The following HPSE2 variants were observed in gnomAD, a reference collection of about 807,000 sequenced individuals.
HPSE2 encodes the protein heparanase 2 (inactive), also known as inactive heparanase-2.
HPSE2 carries 38 observed loss-of-function variants against 60.5 expected under a neutral mutation model. The ratio of observed to expected loss-of-function variants is 0.63; its 90% CI spans 0.48 to 0.82. The LOEUF (loss-of-function observed/expected upper bound fraction) is 0.82, where lower values mean the gene tolerates loss of function less well. HPSE2 is among the 40% of genes least tolerant of loss of function. The pLI is 0.00. For missense variants in HPSE2, 713 were observed against 740.4 expected, an observed-to-expected ratio of 0.96 and a Z score of 0.43; for synonymous variants, 295 against 293.2, an observed-to-expected ratio of 1.01 and a Z score of -0.06.
At chr10:99,143,507 G>T (rs1317553169) in intron 3 of HPSE2, among the ~76,000 whole-genome samples, 1 of 152,120 alleles carries the variant, frequency 6.6e-6, no homozygotes, top group Non-Finnish European at 1.5e-5. Flanking sequence ...TCACTATAAC[G>T]TAGGTCTGCC....
At chr10:98,541,401 G>C (rs981583792) in intron 9 of HPSE2, among the ~76,000 whole-genome samples, 16 of 152,170 alleles carry the variant, frequency 1.1e-4, no homozygotes, top group African/African-American at 3.6e-4. Context: ...CCAGAAGATG[G>C]GTGATTTCTG....
chr10:99,095,868 G>GTATAC (rs1843701892), intron 3 of HPSE2, among the ~76,000 whole-genome samples: 1 of 152,078 alleles, frequency 6.6e-6, no homozygotes, highest in Admixed American at 6.6e-5. Context: ...GGACATCCTG[G>GTATAC]TATACTTTTC....
intron 11 of HPSE2, among the ~76,000 whole-genome samples, chr10:98,468,702 T>C (rs548115805): frequency 6.6e-6 from 1 of 152,332 alleles, no homozygotes; most frequent in East Asian, 1.9e-4. Flanking sequence ...TAGTTAATAC[T>C]TGTTGAGTTC....
At chr10:98,656,428 A>G (rs1483432662) in intron 6 of HPSE2, among the ~76,000 whole-genome samples, 4 of 152,162 alleles carry the variant, frequency 2.6e-5, no homozygotes, top group Non-Finnish European at 5.9e-5. Flanking sequence ...TGAGATTGAT[A>G]AATCATTGCT....
At chr10:98,928,943 C>A (rs1274214838) in intron 3 of HPSE2, among the ~76,000 whole-genome samples, 4 of 140,412 alleles carry the variant, frequency 2.8e-5, no homozygotes, top group South Asian at 2.1e-4. Flanking sequence ...ACATATGTAA[C>A]TAACCTGCAC....
intron 2 of HPSE2, among the ~76,000 whole-genome samples, chr10:99,203,555 CT>C (rs1435532274): frequency 2.0e-4 from 30 of 151,684 alleles, no homozygotes; most frequent in African/African-American, 6.8e-4. Flanking sequence ...GAATTCAGTA[CT>C]GCTCAATCAG....
chr10:99,026,014 A>T (rs760413910), intron 3 of HPSE2, among the ~76,000 whole-genome samples: 10 of 152,122 alleles, frequency 6.6e-5, no homozygotes, highest in Non-Finnish European at 1.3e-4. Flanking sequence ...ATGTGAGCGG[A>T]GAAAATTGCC....
chr10:98,545,073 C>T (rs1156952915), intron 9 of HPSE2, among the ~76,000 whole-genome samples: 7 of 152,220 alleles, frequency 4.6e-5, no homozygotes, highest in East Asian at 3.9e-4. Flanking sequence ...ATAAATTCCT[C>T]GACACATACA....
chr10:98,706,501 G>C lies in HPSE2; in HGVS notation c.957-12554C>G, dbSNP rs375794907. Among the ~76,000 whole-genome samples, 43 of 152,306 alleles carry C rather than the reference G, an allele frequency of 2.8e-4. No individual in the cohort carries two copies. The East Asian group carries it at 4.1e-3, about 14-fold the overall frequency. On this transcript the variant is annotated intron_variant, in intron 5 of 11. Coordinates refer to ENST00000370552, the MANE Select transcript of HPSE2 (RefSeq NM_021828.5). ...TGGACAAGGACATACCAAAATTTCTGTGTGCTGTAACAGATTATTAGTTTG... is the reference window on the plus strand; with the variant it reads ...TGGACAAGGACATACCAAAATTTCTCTGTGCTGTAACAGATTATTAGTTTG...
intron 3 of HPSE2, among the ~76,000 whole-genome samples, chr10:98,841,021 G>A (rs1362330303): frequency 6.6e-6 from 1 of 152,158 alleles, no homozygotes; most frequent in Non-Finnish European, 1.5e-5. Flanking sequence ...CACATGGGAG[G>A]CCAAGGGGGG....
At chr10:99,037,281 T>C (rs944119959) in intron 3 of HPSE2, among the ~76,000 whole-genome samples, 2 of 152,026 alleles carry the variant, frequency 1.3e-5, no homozygotes, top group African/African-American at 2.4e-5. Flanking sequence ...AAAAAGGACA[T>C]TGGTAGAAAA....
At chr10:98,818,508 T>C (rs2134600926) in intron 3 of HPSE2, among the ~76,000 whole-genome samples, 1 of 152,312 alleles carries the variant, frequency 6.6e-6, no homozygotes, top group South Asian at 2.1e-4. Flanking sequence ...TCCTGCCATG[T>C]GGACCTGTTC....
intron 3 of HPSE2, among the ~76,000 whole-genome samples, chr10:99,143,691 G>T (rs1453912105): frequency 6.6e-6 from 1 of 152,150 alleles, no homozygotes; most frequent in African/African-American, 2.4e-5. Context: ...GAAAAAAGTT[G>T]ATTCTCCTTG....
the HPSE2 span, among the ~76,000 whole-genome samples, chr10:99,304,845 G>A: frequency 6.6e-6 from 1 of 152,180 alleles, no homozygotes; most frequent in African/African-American, 2.4e-5. Context: ...GGGCAGGAGT[G>A]ACAAAATAGA....
intron 10 of HPSE2, among the ~76,000 whole-genome samples, chr10:98,486,643 C>T (rs1941450932): frequency 6.6e-6 from 1 of 152,104 alleles, no homozygotes; most frequent in Non-Finnish European, 1.5e-5. Context: ...AGAAAACAGT[C>T]ATGTTCTAGA....
chr10:98,701,434 G>A (rs1487106691), intron 5 of HPSE2, among the ~76,000 whole-genome samples: 1 of 142,412 alleles, frequency 7.0e-6, no homozygotes, highest in African/African-American at 2.6e-5. Flanking sequence ...GGTGGGAACT[G>A]AACAATGAGA....
intron 3 of HPSE2, among the ~76,000 whole-genome samples, chr10:98,816,672 G>T (rs1951297666): frequency 1.3e-5 from 2 of 151,986 alleles, no homozygotes. Flanking sequence ...ATTAGAAGAG[G>T]TTTACAATTT....
chr10:99,249,170 A>G, the HPSE2 span, among the ~76,000 whole-genome samples: 2 of 152,204 alleles, frequency 1.3e-5, no homozygotes, highest in Non-Finnish European at 2.9e-5. Flanking sequence ...TTCAGACCCC[A>G]GAATGGTAGA....
intron 5 of HPSE2, among the ~76,000 whole-genome samples, chr10:98,710,300 C>T (rs1207659048): frequency 6.6e-6 from 1 of 152,136 alleles, no homozygotes; most frequent in Non-Finnish European, 1.5e-5. Context: ...TTTACTCACT[C>T]CTTGCCTCTC....
Sources: allele counts gnomAD v4.1 joint callset (sites outside exome capture counted in the v4.1 genomes callset), GRCh38; gene constraint gnomAD v4.1.1; transcripts MANE v1.5; gene names NCBI Gene and HGNC (gene_info 2026-07-23, HGNC 2026-07-21).